Variants in ARHGEF7 observed in about 807,000 individuals in gnomAD.
The protein encoded by ARHGEF7 is Rho guanine nucleotide exchange factor 7.
In ARHGEF7, 33 loss-of-function variants were observed where a neutral mutation model predicts 109.8. That is an observed-to-expected ratio of 0.30 (90% CI 0.23 to 0.40). The LOEUF (loss-of-function observed/expected upper bound fraction) is 0.40. ARHGEF7 is among the 10% of genes least tolerant of loss of function. The pLI is 1.00. For missense variants in ARHGEF7, 938 were observed against 1,098.5 expected, an observed-to-expected ratio of 0.85 and a Z score of 2.07; for synonymous variants, 458 against 424.6, an observed-to-expected ratio of 1.08 and a Z score of -0.97.
intron 1 of ARHGEF7, among the ~76,000 whole-genome samples, chr13:111,121,975 A>G (rs1051716597): frequency 6.6e-6 from 1 of 152,066 alleles, no homozygotes; most frequent in East Asian, 1.9e-4. Flanking sequence ...GACACTGAAA[A>G]CCTTCCCCAT....
At chr13:111,117,679 CTCTT>C (rs961836897) in intron 1 of ARHGEF7, among the ~76,000 whole-genome samples, 14 of 151,986 alleles carry the variant, frequency 9.2e-5, no homozygotes, top group East Asian at 3.9e-4. Flanking sequence ...TTTTCTTTTT[CTCTT>C]TCTTTCTTTC....
chr13:111,205,310 T>C lies in ARHGEF7; in HGVS notation c.274T>C (p.Tyr92His). ...TCAGACGTTTGATGCAAATGATTTG[T>C]ATCAGGGGCAGAATTTTAACAAGGT... ...RLETFDANDL[Y>H]QGQNFNKVLS... The change falls in exon 3 of 22, where the codon TAT (tyrosine) becomes CAT (histidine). Residue 92 changes from tyrosine to histidine, a missense_variant. Physicochemically the swap from Tyr to His is moderately conservative, Grantham distance 83. Around this residue, in one of 4 missense-constraint regions of ARHGEF7, gnomAD observed 165 missense variants for 125.8 expected, o/e 1.31. Coordinates refer to ENST00000646102, the MANE Select transcript of ARHGEF7 (RefSeq NM_001354046.2). 6.2e-7 allele frequency: 1 copy of C among 1,604,098 alleles called. No homozygotes were observed. Among genetic ancestry groups the C allele is most frequent in the South Asian group, 1.1e-5 (1 of 88,674 alleles).
At chr13:111,225,312 T>C (rs1358719442) in intron 5 of ARHGEF7, among the ~76,000 whole-genome samples, 1 of 152,168 alleles carries the variant, frequency 6.6e-6, no homozygotes, top group East Asian at 1.9e-4. Flanking sequence ...GCTTGTAGCA[T>C]GTGATAGCCA....
At chr13:111,235,621 A>T (rs907861629) in intron 6 of ARHGEF7, among the ~76,000 whole-genome samples, 8 of 152,238 alleles carry the variant, frequency 5.3e-5, no homozygotes, top group African/African-American at 1.9e-4. Context: ...TAGTACTCTC[A>T]TTTTACAGCA....
chr13:111,216,213 G>A (rs1231924065), intron 4 of ARHGEF7, among the ~76,000 whole-genome samples: 3 of 152,168 alleles, frequency 2.0e-5, no homozygotes, highest in Admixed American at 1.3e-4. Context: ...CAGCTTCTGA[G>A]ACTGATACCA....
chr13:111,297,129 C>T (rs1213299319), intron 19 of ARHGEF7, among the ~76,000 whole-genome samples: 1 of 152,212 alleles, frequency 6.6e-6, no homozygotes, highest in Non-Finnish European at 1.5e-5. Flanking sequence ...AAGTAGTCAA[C>T]TTACGTAAAC....
At chr13:111,287,095 T>C (rs1281752981) in intron 17 of ARHGEF7, among the ~76,000 whole-genome samples, 2 of 152,198 alleles carry the variant, frequency 1.3e-5, no homozygotes, top group Non-Finnish European at 2.9e-5. Context: ...CGCCACCTTA[T>C]CATCAATCAG....
chr13:111,269,491 A>G (rs938719019), intron 9 of ARHGEF7, among the ~76,000 whole-genome samples: 1 of 152,190 alleles, frequency 6.6e-6, no homozygotes, highest in Non-Finnish European at 1.5e-5. Context: ...TGTGTTTGTC[A>G]GGTCTTAATG....
rs1173394555 is a variant in ARHGEF7, at chr13:111,266,705, G to C, written c.951-843G>C. 1 of 411,932 alleles carries C rather than the reference G, an allele frequency of 2.4e-6. No homozygotes were observed. The highest frequency in any genetic ancestry group is 2.0e-5 in the African/African-American group (1 of 48,820). 25.5% of individuals were successfully genotyped at this position (411,932 alleles called of 1,614,324 possible). A position where few individuals can be genotyped will look rare whatever the true frequency, so the allele number is the denominator to read the frequency against. ...TCATGTTTTTGGTCACTTTTTCTCTGGCTCCCATTCCCTAGGTAGGAGGAT... is the reference window on the plus strand; with the variant it reads ...TCATGTTTTTGGTCACTTTTTCTCTCGCTCCCATTCCCTAGGTAGGAGGAT... On this transcript the variant is annotated intron_variant, in intron 8 of 21. Transcript: ENST00000646102. This position sits in a 1 kb window ranked among gnomAD's most constrained non-coding sequence, Gnocchi z 4.8.
chr13:111,165,759 C>T lies in ARHGEF7; in HGVS notation c.252+11768C>T, dbSNP rs184324093. Among the ~76,000 whole-genome samples, 24 of 152,292 alleles carry T rather than the reference C, an allele frequency of 1.6e-4. No individual in the cohort carries two copies. The East Asian group carries it at 3.5e-3, about 22-fold the overall frequency. On this transcript the variant is annotated intron_variant, in intron 2 of 21. Transcript: ENST00000646102. ...TGGCACAAGAGAGGGATTCAGTGGT[C>T]AGCTCTGCATAGTCTCTCATTTTCT...
At chr13:111,290,407 A>T (rs1178592764) in intron 18 of ARHGEF7, among the ~76,000 whole-genome samples, 1 of 152,254 alleles carries the variant, frequency 6.6e-6, no homozygotes, top group Non-Finnish European at 1.5e-5. Context: ...TTTAGAAATG[A>T]CTCAAAGTAT....
At chr13:111,167,256 G>A (rs1005849855) in intron 2 of ARHGEF7, among the ~76,000 whole-genome samples, 4 of 152,152 alleles carry the variant, frequency 2.6e-5, no homozygotes, top group African/African-American at 9.7e-5. Context: ...TTGTACGTGA[G>A]CTTAGAAGAA....
At chr13:111,192,683 G>A (rs1006549317) in intron 2 of ARHGEF7, among the ~76,000 whole-genome samples, 1 of 152,154 alleles carries the variant, frequency 6.6e-6, no homozygotes, top group African/African-American at 2.4e-5. Context: ...GCCTCCAGGC[G>A]CAGTGAAGGT....
intron 4 of ARHGEF7, among the ~76,000 whole-genome samples, chr13:111,212,632 A>G (rs929276013): frequency 2.0e-5 from 3 of 152,190 alleles, no homozygotes; most frequent in African/African-American, 7.2e-5. Context: ...TCTGGAAACC[A>G]GGGACCTGTA....
Position 111,196,163 on chromosome 13 carries a change from C to T in ARHGEF7, c.253-9126C>T, listed in dbSNP as rs148296580. On this transcript the variant is annotated intron_variant, in intron 2 of 21. Coordinates refer to ENST00000646102, the MANE Select transcript of ARHGEF7 (RefSeq NM_001354046.2). ...CTTCCTTTCCCTGAGTTATGCTAGA[C>T]ATCATTGAATAATTAATGGGCTTTT... is the stretch of plus-strand genomic sequence containing the variant. Among the ~76,000 whole-genome samples, 516 of 152,328 alleles carry T rather than the reference C, an allele frequency of 3.4e-3. 4 individuals carry two copies. The highest frequency in any genetic ancestry group is 6.8e-3 in the Middle Eastern group (2 of 294).
chr13:111,210,227 G>C (rs1229115161), intron 4 of ARHGEF7, among the ~76,000 whole-genome samples: 3 of 152,134 alleles, frequency 2.0e-5, no homozygotes, highest in African/African-American at 7.2e-5. Context: ...TTGTTTTTAG[G>C]TTGTATTGCA....
chr13:111,201,153 TTCC>T (rs2081172993), intron 2 of ARHGEF7, among the ~76,000 whole-genome samples: 1 of 152,188 alleles, frequency 6.6e-6, no homozygotes, highest in Admixed American at 6.5e-5. Context: ...GTCCCCCTTG[TTCC>T]TGTGGCTGAG....
chr13:111,207,892 C>A (rs1416235816), intron 3 of ARHGEF7, among the ~76,000 whole-genome samples: 1 of 152,134 alleles, frequency 6.6e-6, no homozygotes, highest in Non-Finnish European at 1.5e-5. Context: ...TAGCTTTGTT[C>A]TTTACAAAGA....
At chr13:111,137,566 TTGGAGTATTTAAGCA>T (rs2075144855) in intron 1 of ARHGEF7, among the ~76,000 whole-genome samples, 1 of 152,192 alleles carries the variant, frequency 6.6e-6, no homozygotes, top group Non-Finnish European at 1.5e-5. Context: ...TCATGGGCTT[TTGGAGTATTTAAGCA>T]TGGAGGCAGA....
Sources: allele counts gnomAD v4.1 joint callset (sites outside exome capture counted in the v4.1 genomes callset), GRCh38; gene constraint gnomAD v4.1.1; regional missense constraint gnomAD v4.1.1; non-coding constraint Gnocchi (gnomAD v3.1); transcripts MANE v1.5; gene names NCBI Gene and HGNC (gene_info 2026-07-23, HGNC 2026-07-21).